Variants in APOBEC3D observed in about 807,000 individuals in gnomAD.
APOBEC3D encodes the protein DNA dC->dU-editing enzyme APOBEC-3D.
A neutral mutation model predicts 45.6 loss-of-function variants in APOBEC3D; 37 were observed. The ratio of observed to expected loss-of-function variants is 0.81; its 90% CI spans 0.62 to 1.07. The LOEUF (loss-of-function observed/expected upper bound fraction) is 1.07, where lower values mean the gene tolerates loss of function less well. Ranked by LOEUF, APOBEC3D falls within the 50% of genes least tolerant of loss-of-function variation. The pLI is 0.00. For missense variants in APOBEC3D, 496 were observed against 495.3 expected (o/e 1.00, Z -0.01); for synonymous variants, 175 against 180.7 (o/e 0.97, Z 0.25).
chr22:39,021,599 G>T, intron 1 of APOBEC3D, 63 bp downstream of exon 1: 3 of 1,611,046 alleles, frequency 1.9e-6, no homozygotes, highest in African/African-American at 1.3e-5. Context: ...GTCCTGCTGG[G>T]CCTCAGCCCT....
Position 39,025,056 on chromosome 22 carries a change from T to A in APOBEC3D, c.211-14T>A, listed in dbSNP as rs188186430. 3,110 of 1,215,520 alleles carry A rather than the reference T, an allele frequency of 2.6e-3. 5 individuals are homozygous for A. Among genetic ancestry groups the A allele is most frequent in the Middle Eastern group, 5.3e-3 (22 of 4,150 alleles). The allele number at this position is 1,215,520 out of a possible 1,614,324, so 75.3% of individuals were successfully genotyped here. A position where few individuals can be genotyped will look rare whatever the true frequency, so the allele number is the denominator to read the frequency against. The stretch of plus-strand genomic sequence containing the variant: ...CCCGTCCCAGAGCTTCCCCTGCCCC[T>A]GCTCCTCTCCCAGGTGTATTTCCGG... On this transcript the variant is annotated splice_polypyrimidine_tract_variant and intron_variant, in intron 2 of 6. Transcript: ENST00000216099.
rs973731988 is a variant in APOBEC3D, at chr22:39,021,411, G to A, written c.-109G>A. On this transcript the variant is annotated 5_prime_UTR_variant, in exon 1 of 7. Transcript: ENST00000216099. The stretch of plus-strand genomic sequence containing the variant: ...GTGAGCCACCGTGCCCGGCCGGGAG[G>A]TCACTTTAAGGAGGGCTGTCCAACT... 8 of 1,540,904 alleles carry A rather than the reference G, an allele frequency of 5.2e-6. No homozygotes were observed. In the African/African-American group the frequency reaches 8.2e-5, roughly 16 times the overall value.
chr22:39,026,943 G>A (rs112212044), intron 4 of APOBEC3D, among the ~76,000 whole-genome samples: 8,191 of 152,052 alleles, frequency 0.054, 724 homozygotes, highest in African/African-American at 0.19. Flanking sequence ...TAGAGACGGG[G>A]TTTTGCAATG....
In APOBEC3D at chr22:39,031,825, G is replaced by A. The variant is rs777115221; in HGVS notation, c.894G>A (p.Gly298=). Residue 298 remains glycine, a synonymous_variant, in exon 6 of 7, where the codon GGG becomes GGA. Coordinates refer to ENST00000216099, the MANE Select transcript of APOBEC3D (RefSeq NM_152426.4). ...TSWSPCPECA[G]EVAEFLARHS... Reference sequence around the variant, plus strand: ...GGAGCCCTTGCCCAGAGTGTGCAGGGGAGGTGGCCGAGTTCCTGGCCAGGC... The same window carrying A: ...GGAGCCCTTGCCCAGAGTGTGCAGGAGAGGTGGCCGAGTTCCTGGCCAGGC... 3.1e-6 allele frequency: 5 copies of A among 1,614,150 alleles called. No individual in the cohort carries two copies. Among genetic ancestry groups the A allele is most frequent in the South Asian group, 1.1e-5 (1 of 91,082 alleles).
Position 39,025,292 on chromosome 22 carries a change from T to G in APOBEC3D, c.433T>G (p.Trp145Gly), listed in dbSNP as rs779603257. The G allele has an allele frequency of 1.7e-5, 27 of 1,613,880 alleles. No homozygotes were observed. Among genetic ancestry groups the G allele is most frequent in the Admixed American group, 5.0e-5 (3 of 59,972 alleles). ...CTACTACCGGGATAGAGATTGGCGGTGGGTGCTCCTCAGGCTGCATAAGGC... is the reference window on the plus strand; with the variant it reads ...CTACTACCGGGATAGAGATTGGCGGGGGGTGCTCCTCAGGCTGCATAAGGC... ...LYYYRDRDWR[W>G]VLLRLHKAGA... The change falls in exon 3 of 7, where the codon TGG becomes GGG. Residue 145 changes from tryptophan (W) to glycine (G), a missense_variant. Trp to Gly is a radical substitution (Grantham distance 184). Transcript: ENST00000216099.
At chr22:39,026,138 G>C (rs1394968880) in intron 4 of APOBEC3D, among the ~76,000 whole-genome samples, 2 of 152,180 alleles carry the variant, frequency 1.3e-5, no homozygotes, top group Admixed American at 1.3e-4. Context: ...AGATGCCCCC[G>C]GGCCGGGTGC....
intron 5 of APOBEC3D, 53 bp downstream of exon 5, chr22:39,029,572 G>C: frequency 5.6e-6 from 9 of 1,603,122 alleles, no homozygotes; most frequent in Non-Finnish European, 6.8e-6. Context: ...AGCTGGGAAC[G>C]CAGAAAACAC....
At chr22:39,022,196 G>A (rs917529028) in intron 1 of APOBEC3D, among the ~76,000 whole-genome samples, 2 of 152,228 alleles carry the variant, frequency 1.3e-5, no homozygotes, top group African/African-American at 4.8e-5. Context: ...GCTTTCTCCT[G>A]CAGGGCCCGT....
At chr22:39,026,091 C>T (rs1299722238) in intron 4 of APOBEC3D, among the ~76,000 whole-genome samples, 2 of 152,244 alleles carry the variant, frequency 1.3e-5, no homozygotes, top group Non-Finnish European at 2.9e-5. Context: ...GGAGCCGCCA[C>T]CATGGAAACA....
intron 4 of APOBEC3D, 116 bp from the exon 5 acceptor site, chr22:39,029,247 C>A: frequency 8.3e-7 from 1 of 1,202,278 alleles, no homozygotes; most frequent in Non-Finnish European, 1.2e-6. Context: ...GCAGACATTC[C>A]CAGGGCTGTG....
At chr22:39,031,234 G>A (rs1251480194) in intron 5 of APOBEC3D, among the ~76,000 whole-genome samples, 2 of 151,752 alleles carry the variant, frequency 1.3e-5, no homozygotes, top group Non-Finnish European at 2.9e-5. Flanking sequence ...TGAATAAAAC[G>A]CCCTGGGGCC....
At position 39,025,320 on chromosome 22, in the gene APOBEC3D, G is replaced by A. The variant is rs747902202; in HGVS notation, c.461G>A (p.Gly154Glu). ...GTGCTCCTCAGGCTGCATAAGGCAG[G>A]GGCCCGTGTGAAGATCATGGACTAT... The part of the protein sequence containing the change: ...RWVLLRLHKA[G>E]ARVKIMDYED... Residue 154 changes from glycine to glutamate, a missense_variant, in exon 3 of 7, where the codon GGG becomes GAG. Transcript: ENST00000216099. 2 of 1,614,132 alleles carry A rather than the reference G, an allele frequency of 1.2e-6. No homozygotes were observed. Among genetic ancestry groups the A allele is most frequent in the Non-Finnish European group, 1.7e-6 (2 of 1,180,016 alleles).
intron 5 of APOBEC3D, 43 bp from the exon 6 acceptor site, chr22:39,031,651 C>G (rs2146328239): frequency 6.2e-7 from 1 of 1,607,636 alleles, no homozygotes; most frequent in East Asian, 2.2e-5. Flanking sequence ...TCCTCCTGCT[C>G]CTGGTCTGAG....
intron 4 of APOBEC3D, among the ~76,000 whole-genome samples, chr22:39,027,899 G>A (rs958289549): frequency 6.6e-5 from 10 of 152,332 alleles, no homozygotes; most frequent in Admixed American, 1.3e-4. Context: ...AGTCATGCCC[G>A]GGCTGGTGCT....
chr22:39,026,671 C>A (rs1925698999), intron 4 of APOBEC3D, among the ~76,000 whole-genome samples: 1 of 152,234 alleles, frequency 6.6e-6, no homozygotes, highest in Admixed American at 6.5e-5. Flanking sequence ...CCTGTCCCTT[C>A]TCAAATCCCT....
intron 4 of APOBEC3D, among the ~76,000 whole-genome samples, chr22:39,027,141 A>G (rs1032194412): frequency 6.0e-4 from 92 of 152,198 alleles, no homozygotes; most frequent in African/African-American, 2.2e-3. Context: ...GGAGGAGCAA[A>G]CTGCAAGACA....
In APOBEC3D at chr22:39,025,485, AGGAGACCAGGCCTG is replaced by A; in HGVS notation, c.491-67_491-54del. 3 of 1,614,080 alleles carry A rather than the reference AGGAGACCAGGCCTG, an allele frequency of 1.9e-6. No individual in the cohort carries two copies. In the South Asian group the frequency reaches 3.3e-5, roughly 18 times the overall value. ...CTGGCACTGATTGCAACTGACAGCC[AGGAGACCAGGCCTG>A]GGAGGGCAGGCCCAGGGTCAGGGGA... On this transcript the variant is annotated intron_variant, in intron 3 of 6. Transcript: ENST00000216099.
intron 4 of APOBEC3D, among the ~76,000 whole-genome samples, chr22:39,028,971 A>C (rs370475228): frequency 7.2e-5 from 11 of 152,154 alleles, no homozygotes; most frequent in East Asian, 1.9e-4. Flanking sequence ...ATATAAAAAT[A>C]ATCATCATCA....
chr22:39,023,781 A>G (rs922381450), intron 2 of APOBEC3D, among the ~76,000 whole-genome samples: 4 of 151,952 alleles, frequency 2.6e-5, no homozygotes, highest in African/African-American at 9.7e-5. Flanking sequence ...TCCGTGGCCC[A>G]GACCTTCCTG....
Sources: gnomAD v4.1 joint callset for allele counts (sites outside exome capture counted in the v4.1 genomes callset) on GRCh38, gnomAD v4.1.1 for gene constraint, MANE v1.5 for transcripts, NCBI Gene and HGNC (gene_info 2026-07-23, HGNC 2026-07-21) for gene names.